Variants in NAV2 observed in about 807,000 individuals in gnomAD.
NAV2 encodes the protein helicase, APC down-regulated 1.
A neutral mutation model predicts 223.2 loss-of-function variants in NAV2; 54 were observed. That is an observed-to-expected ratio of 0.24 (90% confidence interval 0.19 to 0.30). The LOEUF is 0.30. NAV2 is among the 10% of genes least tolerant of loss of function. The pLI is 1.00. For missense variants in NAV2, 2,806 were observed against 3,147.5 expected (o/e 0.89, Z 2.60); for synonymous variants, 1,279 against 1,239.3 (o/e 1.03, Z -0.67).
intron 1 of NAV2, among the ~76,000 whole-genome samples, chr11:19,409,168 C>A (rs996393160): frequency 6.6e-6 from 1 of 152,010 alleles, no homozygotes; most frequent in African/African-American, 2.4e-5. Context: ...GTCAGCCAAG[C>A]CTTTGGGAAA....
In NAV2 at chr11:19,866,351, G is replaced by T. The variant is rs2062092146; in HGVS notation, c.439-2574G>T. Among the ~76,000 whole-genome samples the T allele has an allele frequency of 2.6e-5, 4 of 152,078 alleles. No individual in the cohort carries two copies. The South Asian group carries it at 8.3e-4, about 32-fold the overall frequency. ...AACGCTGCCAGACATTGACAAATTGGTCCCTCACCTCCACCCTCCATCCCT... is the reference window on the plus strand; with the variant it reads ...AACGCTGCCAGACATTGACAAATTGTTCCCTCACCTCCACCCTCCATCCCT... On this transcript the variant is annotated intron_variant, in intron 3 of 37. Transcript: ENST00000349880.
At chr11:19,759,249 AT>A (rs944394024) in intron 1 of NAV2, among the ~76,000 whole-genome samples, 2 of 151,840 alleles carry the variant, frequency 1.3e-5, no homozygotes, top group Non-Finnish European at 2.9e-5. Context: ...TGCCCGGCTA[AT>A]TTTTTTGTAT....
chr11:19,872,082 G>A (rs1209787758), intron 4 of NAV2, among the ~76,000 whole-genome samples: 2 of 152,114 alleles, frequency 1.3e-5, no homozygotes, highest in East Asian at 3.9e-4. Context: ...TGGGAAAGTG[G>A]CCCCAACGTC....
At chr11:20,090,734 C>A in intron 26 of NAV2, 131 bp from the exon 27 acceptor site, 1 of 854,818 alleles carries the variant, frequency 1.2e-6, no homozygotes, top group Non-Finnish European at 1.7e-6. Flanking sequence ...TTGGCATTGT[C>A]ACCCACAGGA....
intron 1 of NAV2, among the ~76,000 whole-genome samples, chr11:19,721,906 G>A (rs541910589): frequency 4.5e-4 from 69 of 152,268 alleles, no homozygotes; most frequent in Middle Eastern, 3.4e-3. Flanking sequence ...GCAGAAAGAA[G>A]AAAGAAAATG....
intron 1 of NAV2, among the ~76,000 whole-genome samples, chr11:19,618,068 C>T (rs540829555): frequency 3.9e-5 from 6 of 152,342 alleles, no homozygotes; most frequent in Admixed American, 1.3e-4. Context: ...AATTTACTTA[C>T]CTACTGTTTG....
At chr11:19,386,279 G>A (rs1849039338) in intron 1 of NAV2, among the ~76,000 whole-genome samples, 1 of 152,176 alleles carries the variant, frequency 6.6e-6, no homozygotes, top group Non-Finnish European at 1.5e-5. Context: ...TATAATGAGA[G>A]GGGTTCTGGT....
intron 2 of NAV2, among the ~76,000 whole-genome samples, chr11:19,834,537 C>T (rs941758070): frequency 6.8e-6 from 1 of 147,524 alleles, no homozygotes; most frequent in African/African-American, 2.5e-5. Context: ...AAGGCTGAGA[C>T]CTCAGAAGAA....
intron 6 of NAV2, among the ~76,000 whole-genome samples, chr11:19,897,578 C>G (rs1018771183): frequency 1.3e-5 from 2 of 152,066 alleles, no homozygotes; most frequent in African/African-American, 4.8e-5. Flanking sequence ...GTATATAATA[C>G]TTCTTAGCTA....
intron 3 of NAV2, 126 bp downstream of exon 3, chr11:19,843,049 C>T (rs1590843200): frequency 4.1e-6 from 3 of 733,580 alleles, no homozygotes; most frequent in Non-Finnish European, 6.8e-6. Flanking sequence ...AATAAACTCA[C>T]AGCTATTTCC....
At chr11:19,773,336 G>A (rs748325869) in intron 1 of NAV2, among the ~76,000 whole-genome samples, 1 of 152,160 alleles carries the variant, frequency 6.6e-6, no homozygotes, top group East Asian at 1.9e-4. Flanking sequence ...AGACTCTGAG[G>A]GGTCAGCCCC....
At chr11:20,024,210 G>A (rs932943647) in intron 11 of NAV2, among the ~76,000 whole-genome samples, 23 of 152,170 alleles carry the variant, frequency 1.5e-4, no homozygotes, top group Non-Finnish European at 5.9e-5. Context: ...TGGGCTTCTC[G>A]GATTCAGCTT....
At chr11:20,110,575 A>T (rs1299557015) in intron 36 of NAV2, among the ~76,000 whole-genome samples, 1 of 152,170 alleles carries the variant, frequency 6.6e-6, no homozygotes, top group Non-Finnish European at 1.5e-5. Context: ...GTTGGTGCCC[A>T]GGACTAGCTG....
chr11:19,704,708 A>G (rs1425836963), intron 1 of NAV2, among the ~76,000 whole-genome samples: 1 of 152,148 alleles, frequency 6.6e-6, no homozygotes, highest in Non-Finnish European at 1.5e-5. Flanking sequence ...TTGCCTAGTC[A>G]TATGTGTGGG....
chr11:19,616,333 T>TGCGC (rs1400713209), intron 1 of NAV2, among the ~76,000 whole-genome samples: 1 of 147,422 alleles, frequency 6.8e-6, no homozygotes, highest in Admixed American at 6.9e-5. Flanking sequence ...TGTGTGTGTG[T>TGCGC]GTGCGCGCGC....
At chr11:19,729,017 G>T (rs933464114) in intron 1 of NAV2, among the ~76,000 whole-genome samples, 4 of 152,164 alleles carry the variant, frequency 2.6e-5, no homozygotes, top group Non-Finnish European at 5.9e-5. Context: ...CAGGGAGCTT[G>T]TTAAGTGTGC....
chr11:19,681,115 C>G (rs2048870698), intron 1 of NAV2, among the ~76,000 whole-genome samples: 1 of 152,216 alleles, frequency 6.6e-6, no homozygotes, highest in Non-Finnish European at 1.5e-5. Flanking sequence ...ATTTAACTAA[C>G]TTACTAATGA....
chr11:20,011,958 A>C (rs1423235904), intron 11 of NAV2, among the ~76,000 whole-genome samples: 2 of 152,192 alleles, frequency 1.3e-5, no homozygotes, highest in Non-Finnish European at 2.9e-5. Context: ...TGTATTCTAT[A>C]TTTCCCTTAT....
At chr11:20,046,596 T>TCACACACA (rs61668060) in intron 14 of NAV2, among the ~76,000 whole-genome samples, 22,882 of 145,620 alleles carry the variant, frequency 0.16, 2,346 homozygotes, top group South Asian at 0.4. Context: ...CCCCTCCCCA[T>TCACACACA]CACACACACA....
Sources: gnomAD v4.1 joint callset for allele counts (sites outside exome capture counted in the v4.1 genomes callset) on GRCh38, gnomAD v4.1.1 for gene constraint, MANE v1.5 for transcripts, NCBI Gene and HGNC (gene_info 2026-07-23, HGNC 2026-07-21) for gene names.